PHTF2: variants seen among roughly 807,000 people sequenced by gnomAD.
PHTF2 encodes the protein protein PHTF2.
Under a neutral mutation model 101.2 loss-of-function variants are expected in PHTF2, and 60 were observed. That is an observed-to-expected ratio of 0.59 (90% CI 0.48 to 0.73). The LOEUF is 0.73. PHTF2 is among the 30% of genes least tolerant of loss of function. The pLI, the probability that PHTF2 is intolerant of heterozygous loss-of-function variation, is 0.00. For missense variants in PHTF2, 747 were observed against 908.7 expected (o/e 0.82, Z 2.29); for synonymous variants, 311 against 307.3 (o/e 1.01, Z -0.13).
chr7:77,865,278 T>G (rs1584526352), intron 3 of PHTF2, among the ~76,000 whole-genome samples: 1 of 151,992 alleles, frequency 6.6e-6, no homozygotes, highest in South Asian at 2.1e-4. Context: ...CAGGCTGGAG[T>G]GCAGTGGCAC....
intron 15 of PHTF2, among the ~76,000 whole-genome samples, chr7:77,941,341 G>A (rs1805621726): frequency 6.6e-6 from 1 of 151,980 alleles, no homozygotes; most frequent in Non-Finnish European, 1.5e-5. Context: ...AGCTTACTTA[G>A]TGTCACTGCT....
At chr7:77,927,472 TG>T (rs1474578219) in intron 11 of PHTF2, among the ~76,000 whole-genome samples, 1 of 152,000 alleles carries the variant, frequency 6.6e-6, no homozygotes, top group Non-Finnish European at 1.5e-5. Flanking sequence ...GGCATGTGTC[TG>T]TAACCCCAGC....
chr7:77,845,631 ATGTGTGTGTGGGCATGCACACG>A (rs1434232738), intron 2 of PHTF2, among the ~76,000 whole-genome samples: 1 of 152,126 alleles, frequency 6.6e-6, no homozygotes, highest in Non-Finnish European at 1.5e-5. Flanking sequence ...AGCCATGTTA[ATGTGTGTGTGGGCATGCACACG>A]TGTGTGTGTG....
intron 2 of PHTF2, among the ~76,000 whole-genome samples, chr7:77,843,702 G>A (rs895400426): frequency 8.5e-5 from 13 of 152,106 alleles, no homozygotes; most frequent in Admixed American, 5.9e-4. Context: ...TTTCTACATT[G>A]ACTAGCTAAT....
intron 3 of PHTF2, among the ~76,000 whole-genome samples, chr7:77,881,372 T>G (rs982706850): frequency 5.3e-5 from 8 of 152,188 alleles, no homozygotes; most frequent in Non-Finnish European, 8.8e-5. Flanking sequence ...GTCTCCTTAA[T>G]GTATTCAATT....
intron 18 of PHTF2, 113 bp from the exon 18 acceptor site, chr7:77,953,656 C>A: frequency 1.3e-6 from 1 of 771,648 alleles, no homozygotes; most frequent in Non-Finnish European, 2.0e-6. Context: ...CTAAAAGCAT[C>A]CATAATTGGT....
intron 1 of PHTF2, among the ~76,000 whole-genome samples, chr7:77,800,913 C>CT: frequency 6.6e-6 from 1 of 152,310 alleles, no homozygotes; most frequent in East Asian, 1.9e-4. Flanking sequence ...CCTAAGCAGT[C>CT]TGATTCCAAA....
intron 2 of PHTF2, among the ~76,000 whole-genome samples, chr7:77,848,622 A>G (rs982444651): frequency 1.3e-5 from 2 of 152,044 alleles, no homozygotes; most frequent in Admixed American, 6.6e-5. Context: ...TCATTGTCAG[A>G]TGGGTAGTTT....
intron 1 of PHTF2, among the ~76,000 whole-genome samples, chr7:77,806,150 G>T (rs1792959525): frequency 6.6e-6 from 1 of 150,442 alleles, no homozygotes; most frequent in Admixed American, 6.6e-5. Flanking sequence ...ACTCTAGCCT[G>T]GGTGACTCCA....
At chr7:77,867,068 A>G (rs566288546) in intron 3 of PHTF2, among the ~76,000 whole-genome samples, 24 of 152,338 alleles carry the variant, frequency 1.6e-4, no homozygotes, top group African/African-American at 5.5e-4. Flanking sequence ...ATATTAGTAC[A>G]TTTAGTCCTT....
At chr7:77,831,715 C>T (rs1003020178) in intron 1 of PHTF2, among the ~76,000 whole-genome samples, 7 of 152,160 alleles carry the variant, frequency 4.6e-5, no homozygotes, top group African/African-American at 1.2e-4. Flanking sequence ...GAACAGAGCA[C>T]GGCTGCCATG....
chr7:77,846,522 G>A (rs1796293925), intron 2 of PHTF2, among the ~76,000 whole-genome samples: 1 of 151,112 alleles, frequency 6.6e-6, no homozygotes. Context: ...AGGCACTGTT[G>A]CCTGAAATTA....
At chr7:77,953,748 C>CTTTTTTTT in intron 18 of PHTF2, 21 bp from the exon 18 acceptor site, 1 of 1,598,972 alleles carries the variant, frequency 6.3e-7, no homozygotes, top group Non-Finnish European at 8.5e-7. Context: ...CTGGGACTGA[C>CTTTTTTTT]TTTTTTTTCT....
At chr7:77,837,067 A>G (rs969512189) in intron 1 of PHTF2, among the ~76,000 whole-genome samples, 9 of 152,272 alleles carry the variant, frequency 5.9e-5, no homozygotes, top group Non-Finnish European at 7.4e-5. Flanking sequence ...TAACTGCCTA[A>G]TGTTATGCCT....
chr7:77,861,529 A>G (rs541291452), intron 3 of PHTF2, among the ~76,000 whole-genome samples: 4 of 152,278 alleles, frequency 2.6e-5, no homozygotes, highest in East Asian at 1.9e-4. Context: ...GTTATTGTCT[A>G]TTATGACTTT....
At chr7:77,875,590 CT>C (rs1265236132) in intron 3 of PHTF2, among the ~76,000 whole-genome samples, 2 of 151,842 alleles carry the variant, frequency 1.3e-5, no homozygotes, top group African/African-American at 4.8e-5. Flanking sequence ...TGGAGTCTCG[CT>C]GTGTTGCCCA....
intron 2 of PHTF2, among the ~76,000 whole-genome samples, chr7:77,845,268 T>A (rs757011526): frequency 6.6e-6 from 1 of 152,172 alleles, no homozygotes; most frequent in Non-Finnish European, 1.5e-5. Context: ...GAGAATGAGG[T>A]TCTATTTTCA....
chr7:77,871,672 C>G (rs1388123300), intron 3 of PHTF2, among the ~76,000 whole-genome samples: 1 of 152,102 alleles, frequency 6.6e-6, no homozygotes, highest in Non-Finnish European at 1.5e-5. Context: ...CCCAGCCCTG[C>G]AAAGTATTGT....
intron 1 of PHTF2, among the ~76,000 whole-genome samples, chr7:77,832,552 G>T (rs1288116402): frequency 6.6e-6 from 1 of 152,190 alleles, no homozygotes; most frequent in African/African-American, 2.4e-5. Flanking sequence ...AGTCAAGGCG[G>T]ACTATCCTGA....
Sources: gnomAD v4.1 joint callset for allele counts (sites outside exome capture counted in the v4.1 genomes callset) on GRCh38, gnomAD v4.1.1 for gene constraint, MANE v1.5 for transcripts, NCBI Gene and HGNC (gene_info 2026-07-23, HGNC 2026-07-21) for gene names.